Variants in FCHSD2 observed in about 807,000 individuals in gnomAD.
FCHSD2 encodes F-BAR and double SH3 domains protein 2.
FCHSD2 carries 38 observed loss-of-function variants against 108.1 expected under a neutral mutation model. That is an observed-to-expected ratio of 0.35 (90% CI 0.27 to 0.46). FCHSD2 has a LOEUF of 0.46. Among genes scored for constraint, FCHSD2 ranks in the 20% least tolerant of loss-of-function variants. FCHSD2 has a pLI of 1.00. For missense variants in FCHSD2, 751 were observed against 897.8 expected (o/e 0.84, Z 2.09); for synonymous variants, 279 against 314.7 (o/e 0.89, Z 1.20).
intron 12 of FCHSD2, among the ~76,000 whole-genome samples, chr11:72,883,134 C>A (rs1196292654): frequency 4.6e-5 from 7 of 152,088 alleles, no homozygotes; most frequent in East Asian, 1.9e-4. Context: ...AACAAAAAAA[C>A]CAAACATGAC....
At chr11:73,100,862 G>A (rs1302848937) in intron 2 of FCHSD2, among the ~76,000 whole-genome samples, 1 of 143,772 alleles carries the variant, frequency 7.0e-6, no homozygotes, top group Non-Finnish European at 1.5e-5. Context: ...TTCTACGTGG[G>A]ATTTTTTTTT....
chr11:72,927,511 C>T (rs1856100060), intron 8 of FCHSD2, among the ~76,000 whole-genome samples: 1 of 152,014 alleles, frequency 6.6e-6, no homozygotes, highest in Non-Finnish European at 1.5e-5. Context: ...AATCTCTGTA[C>T]CTTCTGTTCA....
intron 8 of FCHSD2, among the ~76,000 whole-genome samples, chr11:72,974,403 C>G (rs752295733): frequency 3.3e-5 from 5 of 152,170 alleles, no homozygotes; most frequent in Non-Finnish European, 5.9e-5. Context: ...ACCTAATGAC[C>G]TTTTAAAAGT....
intron 13 of FCHSD2, among the ~76,000 whole-genome samples, chr11:72,862,127 T>C (rs916040956): frequency 1.3e-5 from 2 of 152,134 alleles, no homozygotes; most frequent in Non-Finnish European, 2.9e-5. Context: ...TTTAACATGA[T>C]AAAGGGCATC....
At chr11:73,133,092 T>C (rs1209412314) in intron 2 of FCHSD2, among the ~76,000 whole-genome samples, 2 of 152,128 alleles carry the variant, frequency 1.3e-5, no homozygotes, top group Non-Finnish European at 2.9e-5. Context: ...CTAGAATGCC[T>C]ATAATCAAAA....
At chr11:73,080,559 A>G (rs1309419926) in intron 3 of FCHSD2, among the ~76,000 whole-genome samples, 1 of 152,156 alleles carries the variant, frequency 6.6e-6, no homozygotes, top group Non-Finnish European at 1.5e-5. Context: ...AGTAGGCTGG[A>G]GAGGAATGGC....
chr11:73,071,097 G>A (rs965022348), intron 3 of FCHSD2, among the ~76,000 whole-genome samples: 2 of 152,112 alleles, frequency 1.3e-5, no homozygotes, highest in Admixed American at 6.6e-5. Context: ...CTAAAAGATG[G>A]TCTACCAATT....
intron 3 of FCHSD2, among the ~76,000 whole-genome samples, chr11:73,045,176 A>G (rs1858730758): frequency 6.6e-6 from 1 of 152,178 alleles, no homozygotes; most frequent in African/African-American, 2.4e-5. Context: ...AATGCTCATC[A>G]TCACTGGCCA....
At chr11:72,855,597 G>A (rs948381871) in intron 13 of FCHSD2, among the ~76,000 whole-genome samples, 1 of 152,038 alleles carries the variant, frequency 6.6e-6, no homozygotes, top group African/African-American at 2.4e-5. Context: ...CCATACACAC[G>A]AACAAACGTG....
chr11:72,937,267 G>A (rs1461920888), intron 8 of FCHSD2, among the ~76,000 whole-genome samples: 1 of 152,182 alleles, frequency 6.6e-6, no homozygotes, highest in Non-Finnish European at 1.5e-5. Flanking sequence ...AAATAGGACT[G>A]CTGCAAACAA....
intron 2 of FCHSD2, among the ~76,000 whole-genome samples, chr11:73,104,629 C>T (rs746558175): frequency 3.3e-5 from 5 of 151,826 alleles, no homozygotes; most frequent in Non-Finnish European, 1.5e-5. Context: ...AGTGCAGTAC[C>T]GCAATCTCAT....
intron 8 of FCHSD2, among the ~76,000 whole-genome samples, chr11:72,977,243 T>C (rs1039539190): frequency 2.0e-5 from 3 of 152,148 alleles, no homozygotes; most frequent in East Asian, 1.9e-4. Context: ...AAATAAAGCA[T>C]TGGGGGAAAT....
intron 10 of FCHSD2, among the ~76,000 whole-genome samples, chr11:72,897,319 T>TAAA (rs140771439): frequency 6.4e-5 from 8 of 124,858 alleles, no homozygotes; most frequent in Non-Finnish European, 6.8e-5. Context: ...TTAAAAAGAG[T>TAAA]AAAAAAAAAA....
chr11:72,875,224 T>G (rs553293642), intron 12 of FCHSD2, among the ~76,000 whole-genome samples: 1 of 152,292 alleles, frequency 6.6e-6, no homozygotes, highest in Admixed American at 6.5e-5. Flanking sequence ...ATAATAGTAT[T>G]TGCTACTCCA....
chr11:72,975,993 A>C (rs1256927446), intron 8 of FCHSD2, among the ~76,000 whole-genome samples: 1 of 152,232 alleles, frequency 6.6e-6, no homozygotes. Flanking sequence ...TAGTTCATAT[A>C]TTGCACAAGA....
chr11:73,108,870 C>CT (rs1418121024), intron 2 of FCHSD2, among the ~76,000 whole-genome samples: 3 of 152,236 alleles, frequency 2.0e-5, no homozygotes, highest in African/African-American at 7.2e-5. Flanking sequence ...CGCGCCCAGC[C>CT]TAGATTTAAG....
At position 72,837,208 on chromosome 11, in the gene FCHSD2, A is replaced by G. The variant is rs1336072815; in HGVS notation, c.*1583T>C. The G allele has an allele frequency of 6.6e-6, 1 of 152,430 alleles. No individual in the cohort carries two copies. Among genetic ancestry groups the G allele is most frequent in the Non-Finnish European group, 1.5e-5 (1 of 68,036 alleles). The allele number at this position is 152,430 out of a possible 1,614,324, so 9.4% of individuals were successfully genotyped here. ...GATAAACACAAAAGACCTCAAATAG[A>G]TCAACAGGTTAAGAAGTGTAAAAAA... On this transcript the variant is annotated 3_prime_UTR_variant, in exon 20 of 20. Coordinates refer to ENST00000409418, the MANE Select transcript of FCHSD2 (RefSeq NM_014824.3).
At position 73,061,494 on chromosome 11, in the gene FCHSD2, G is replaced by A. The variant is rs532878992; in HGVS notation, c.165+22201C>T. 6.6e-5 allele frequency among the ~76,000 whole-genome samples: 10 copies of A among 152,326 alleles called. 2 individuals are homozygous for A. Among genetic ancestry groups the A allele is most frequent in the African/African-American group, 2.4e-4 (10 of 41,582 alleles). On this transcript the variant is annotated intron_variant, in intron 3 of 19. Transcript: ENST00000409418. ...CCCCTGGAAAGGGGTGCTGAAGCCA[G>A]GGAGCCAAGTGGTATGGGTCTGCGG...
intron 2 of FCHSD2, among the ~76,000 whole-genome samples, chr11:73,103,348 A>C (rs1860267291): frequency 6.6e-6 from 1 of 152,208 alleles, no homozygotes. Context: ...CAGAACCCGC[A>C]AAACACTGAA....
Sources: gnomAD v4.1 joint callset for allele counts (sites outside exome capture counted in the v4.1 genomes callset) on GRCh38, gnomAD v4.1.1 for gene constraint, MANE v1.5 for transcripts, NCBI Gene and HGNC (gene_info 2026-07-23, HGNC 2026-07-21) for gene names.